Variants in NTN4 observed in about 807,000 individuals in gnomAD.
The protein encoded by NTN4 is netrin-4.
A neutral mutation model predicts 73.6 loss-of-function variants in NTN4; 32 were observed. The ratio of observed to expected loss-of-function variants is 0.44; its 90% CI spans 0.33 to 0.58. The LOEUF is 0.58. Ranked by LOEUF, NTN4 falls within the 20% of genes least tolerant of loss-of-function variation. The pLI is 0.04. For synonymous variants in NTN4, 258 were observed against 287.5 expected (o/e 0.90, Z 1.04); for missense variants, 654 against 798.3 (o/e 0.82, Z 2.18).
intron 7 of NTN4, chr12:95,673,699 G>C (rs2078251990): frequency 6.6e-6 from 1 of 152,152 alleles, no homozygotes; most frequent in Admixed American, 6.6e-5. Context: ...TGTGGCAGTT[G>C]AAATAGTCCC....
intron 2 of NTN4, among the ~76,000 whole-genome samples, chr12:95,753,079 T>C (rs921490516): frequency 1.3e-4 from 20 of 152,170 alleles, no homozygotes; most frequent in East Asian, 3.9e-4. Flanking sequence ...ATCCACCTGA[T>C]ATTCACCCCA....
At chr12:95,711,937 A>G (rs990026607) in intron 4 of NTN4, among the ~76,000 whole-genome samples, 11 of 152,170 alleles carry the variant, frequency 7.2e-5, no homozygotes, top group African/African-American at 2.2e-4. Context: ...TGTGTTATGA[A>G]ATTCTGACCA....
intron 7 of NTN4, among the ~76,000 whole-genome samples, chr12:95,679,209 A>G (rs1031687814): frequency 1.1e-4 from 17 of 152,338 alleles, no homozygotes; most frequent in African/African-American, 4.1e-4. Flanking sequence ...CAAAGAACCG[A>G]TAGCTAAGAT....
intron 3 of NTN4, among the ~76,000 whole-genome samples, chr12:95,720,153 T>C (rs981042325): frequency 2.2e-4 from 34 of 152,284 alleles, no homozygotes; most frequent in African/African-American, 7.5e-4. Flanking sequence ...CTTACAAAAA[T>C]GCACTTACCC....
chr12:95,694,216 A>G (rs185278135), intron 5 of NTN4, among the ~76,000 whole-genome samples: 2 of 152,330 alleles, frequency 1.3e-5, no homozygotes, highest in Admixed American at 6.5e-5. Flanking sequence ...AAAATACCCT[A>G]AAAGTATTTG....
chr12:95,763,168 C>T (rs571447055), intron 2 of NTN4, among the ~76,000 whole-genome samples: 2 of 152,264 alleles, frequency 1.3e-5, no homozygotes, highest in East Asian at 3.9e-4. Flanking sequence ...ATTAATAATG[C>T]ATAAGATTCC....
At chr12:95,752,419 C>A (rs1426183572) in intron 2 of NTN4, among the ~76,000 whole-genome samples, 19 of 150,554 alleles carry the variant, frequency 1.3e-4, no homozygotes, top group African/African-American at 4.2e-4. Flanking sequence ...CTCAAACATG[C>A]TTTCTTTACT....
intron 5 of NTN4, among the ~76,000 whole-genome samples, chr12:95,694,597 T>A (rs28445702): frequency 0.1 from 15,559 of 152,208 alleles, 992 homozygotes; most frequent in Admixed American, 0.21. Context: ...AGATCTTTTA[T>A]CTTTTTTTTC....
rs2078558937 is a variant in NTN4, at chr12:95,710,727, G to A, written c.992-98C>T. On this transcript the variant is annotated intron_variant, in intron 4 of 9. Transcript: ENST00000343702. ...GGTAAAAATAGGATGAGTTGGCCAG[G>A]CGTGGTAGCTCACACCTGTAATCCC... The A allele has an allele frequency of 8.6e-6, 10 of 1,161,868 alleles. No individual in the cohort carries two copies. In the East Asian group the frequency reaches 2.3e-4, roughly 27 times the overall value. The allele number at this position is 1,161,868 out of a possible 1,614,324, so 72.0% of individuals were successfully genotyped here.
chr12:95,758,250 C>A (rs2078960971), intron 2 of NTN4, among the ~76,000 whole-genome samples: 1 of 152,144 alleles, frequency 6.6e-6, no homozygotes, highest in Non-Finnish European at 1.5e-5. Flanking sequence ...TTAGTGTTAT[C>A]AGTCTTCTGA....
In NTN4 at chr12:95,682,819, G is replaced by A; in HGVS notation, c.1398C>T (p.His466=). Residue 466 remains histidine, a synonymous_variant, in exon 7 of 10, where the codon CAC becomes CAT. Transcript: ENST00000343702. ...CTTCATGATACCAGTCTATGTCTGT[G>A]TGGCTAACAAAATAGAACATGATAA... ...DPITGDCISS[H]TDIDWYHEVP... 1 of 1,592,522 alleles carries A rather than the reference G, an allele frequency of 6.3e-7. No homozygotes were observed. Among genetic ancestry groups the A allele is most frequent in the Non-Finnish European group, 8.6e-7 (1 of 1,161,752 alleles).
At chr12:95,693,857 G>C (rs555879853) in intron 5 of NTN4, among the ~76,000 whole-genome samples, 1 of 151,966 alleles carries the variant, frequency 6.6e-6, no homozygotes, top group African/African-American at 2.4e-5. Flanking sequence ...TGTCATATAG[G>C]ACAAGAGTCA....
chr12:95,704,926 G>T (rs1467010403), intron 5 of NTN4, among the ~76,000 whole-genome samples: 2 of 152,136 alleles, frequency 1.3e-5, no homozygotes, highest in Admixed American at 1.3e-4. Context: ...TATACATTAT[G>T]CTAAAAGAAC....
chr12:95,703,530 C>T (rs1238729601), intron 5 of NTN4, among the ~76,000 whole-genome samples: 4 of 152,172 alleles, frequency 2.6e-5, no homozygotes, highest in African/African-American at 7.2e-5. Flanking sequence ...GTCAAAACTC[C>T]GAAACAGGTT....
Position 95,773,463 on chromosome 12 carries a change from C to G in NTN4, c.585+13476G>C, listed in dbSNP as rs185326373. Reference sequence around the variant, plus strand: ...TAAGTTTGAGTCATCCTGGGCACCTCTTTTTGAGGGCCCGCATGCCCACAC... The same window carrying G: ...TAAGTTTGAGTCATCCTGGGCACCTGTTTTTGAGGGCCCGCATGCCCACAC... On this transcript the variant is annotated intron_variant, in intron 2 of 9. Coordinates refer to ENST00000343702, the MANE Select transcript of NTN4 (RefSeq NM_021229.4). Among the ~76,000 whole-genome samples, 332 of 152,312 alleles carry G rather than the reference C, an allele frequency of 2.2e-3. 4 individuals are homozygous for G. The Middle Eastern group carries it at 0.037, about 17-fold the overall frequency.
intron 3 of NTN4, 133 bp downstream of exon 3, chr12:95,737,733 T>G: frequency 2.7e-5 from 20 of 747,328 alleles, no homozygotes; most frequent in Non-Finnish European, 3.6e-5. Flanking sequence ...CTTTATAGGA[T>G]GAGTATGGAG....
At chr12:95,778,085 C>G (rs567948056) in intron 2 of NTN4, among the ~76,000 whole-genome samples, 1 of 152,034 alleles carries the variant, frequency 6.6e-6, no homozygotes, top group African/African-American at 2.4e-5. Flanking sequence ...GAAATGAAGG[C>G]AGAAATAAAG....
At chr12:95,767,409 C>T (rs2121260169) in intron 2 of NTN4, among the ~76,000 whole-genome samples, 1 of 152,214 alleles carries the variant, frequency 6.6e-6, no homozygotes, top group South Asian at 2.1e-4. Context: ...TTTGTTTTGG[C>T]AAGGAAAATA....
At chr12:95,743,275 TTGTTTTTC>T (rs2078839262) in intron 2 of NTN4, among the ~76,000 whole-genome samples, 2 of 152,178 alleles carry the variant, frequency 1.3e-5, no homozygotes, top group Admixed American at 6.5e-5. Flanking sequence ...ATTTTCTCTA[TTGTTTTTC>T]TGTTTTTCTT....
Sources: allele counts gnomAD v4.1 joint callset (sites outside exome capture counted in the v4.1 genomes callset), GRCh38; gene constraint gnomAD v4.1.1; transcripts MANE v1.5; gene names NCBI Gene and HGNC (gene_info 2026-07-23, HGNC 2026-07-21).